Variants in ADGRL2 observed in about 807,000 individuals in gnomAD.
The protein encoded by ADGRL2 is adhesion G protein-coupled receptor L2, also known as calcium-independent alpha-latrotoxin receptor 2.
In ADGRL2, 44 loss-of-function variants were observed where a neutral mutation model predicts 157.4. The ratio of observed to expected loss-of-function variants is 0.28; its 90% CI spans 0.22 to 0.36. The LOEUF (loss-of-function observed/expected upper bound fraction) is 0.36, where lower values mean the gene tolerates loss of function less well. Ranked by LOEUF, ADGRL2 falls within the 10% of genes least tolerant of loss-of-function variation. The pLI is 1.00. For missense variants in ADGRL2, 1,510 were observed against 1,768.9 expected (o/e 0.85, Z 2.63); for synonymous variants, 585 against 624.7 (o/e 0.94, Z 0.95).
At chr1:81,320,092 A>G (rs1032295646) in intron 1 of ADGRL2, among the ~76,000 whole-genome samples, 3 of 152,200 alleles carry the variant, frequency 2.0e-5, no homozygotes, top group Non-Finnish European at 4.4e-5. Flanking sequence ...CATTTCAACA[A>G]TGTCCACAGC....
chr1:81,981,539 G>A (rs898943927), intron 18 of ADGRL2, among the ~76,000 whole-genome samples: 2 of 151,882 alleles, frequency 1.3e-5, no homozygotes, highest in Non-Finnish European at 2.9e-5. Flanking sequence ...TAGGGGATAT[G>A]TTACACGTTG....
chr1:81,537,715 T>G (rs1334482212), intron 2 of ADGRL2, among the ~76,000 whole-genome samples: 2 of 152,000 alleles, frequency 1.3e-5, no homozygotes, highest in African/African-American at 4.8e-5. Context: ...TCTTTTTTTT[T>G]TTAGATGGAG....
chr1:81,988,985 A>AT (rs3838452), intron 23 of ADGRL2, among the ~76,000 whole-genome samples: 44 of 149,034 alleles, frequency 3.0e-4, no homozygotes, highest in South Asian at 8.5e-4. Flanking sequence ...GTAGACTGTG[A>AT]TTTTTTTTTT....
At chr1:81,782,516 C>G (rs1301131368) in intron 2 of ADGRL2, among the ~76,000 whole-genome samples, 2 of 152,046 alleles carry the variant, frequency 1.3e-5, no homozygotes, top group Admixed American at 1.3e-4. Flanking sequence ...TTAGTTACAC[C>G]CAGTGAGCCT....
chr1:81,882,730 G>A (rs542068247), intron 2 of ADGRL2, among the ~76,000 whole-genome samples: 1 of 152,260 alleles, frequency 6.6e-6, no homozygotes, highest in Admixed American at 6.5e-5. Flanking sequence ...TTGGGAAATA[G>A]CCCTCAAATA....
chr1:81,383,337 A>G (rs1232017918), intron 1 of ADGRL2, among the ~76,000 whole-genome samples: 2 of 152,148 alleles, frequency 1.3e-5, no homozygotes, highest in African/African-American at 4.8e-5. Flanking sequence ...ACTCACATTG[A>G]TAGATTGAAC....
At chr1:81,367,953 G>A (rs1213060860) in intron 1 of ADGRL2, among the ~76,000 whole-genome samples, 4 of 152,170 alleles carry the variant, frequency 2.6e-5, no homozygotes, top group African/African-American at 7.2e-5. Flanking sequence ...TTTGTTCCAT[G>A]ACTTCGCTAT....
chr1:81,511,551 T>C (rs1236357832), intron 2 of ADGRL2, among the ~76,000 whole-genome samples: 1 of 152,164 alleles, frequency 6.6e-6, no homozygotes, highest in African/African-American at 2.4e-5. Flanking sequence ...TTAATAATTA[T>C]AGGTAACTTG....
In ADGRL2 at chr1:81,966,153, G is replaced by A. The variant is rs759899407; in HGVS notation, c.2113G>A (p.Ala705Thr). 28 of 1,613,852 alleles carry A rather than the reference G, an allele frequency of 1.7e-5. 2 individuals carry two copies. Among genetic ancestry groups the A allele is most frequent in the South Asian group, 1.5e-4 (14 of 91,078 alleles). Residue 705 changes from alanine to threonine, a missense_variant, in exon 12 of 24, where the codon GCA becomes ACA. Ala to Thr is a moderately conservative substitution (Grantham distance 58, BLOSUM62 0). Around this residue, in one of 4 missense-constraint regions of ADGRL2, gnomAD observed 497 missense variants for 627.2 expected, o/e 0.79. Transcript: ENST00000686636. ...AGCAGGCAGCTCAATCCAACTGTCC[G>A]CAAATACCGTCAAACAGAACAGCAG... Reference protein sequence around the residue: ...KGAGSSIQLSANTVKQNSRNG... With the variant: ...KGAGSSIQLSTNTVKQNSRNG...
At chr1:81,604,149 G>A (rs2081387008) in intron 3 of ADGRL2, among the ~76,000 whole-genome samples, 1 of 152,026 alleles carries the variant, frequency 6.6e-6, no homozygotes, top group African/African-American at 2.4e-5. Flanking sequence ...AATTTTGGTA[G>A]AGACGAGGTT....
At chr1:81,681,231 G>A (rs2148954251) in intron 3 of ADGRL2, among the ~76,000 whole-genome samples, 1 of 152,356 alleles carries the variant, frequency 6.6e-6, no homozygotes, top group African/African-American at 2.4e-5. Flanking sequence ...AAGAAAGCTT[G>A]AGAACCTGCA....
intron 3 of ADGRL2, among the ~76,000 whole-genome samples, chr1:81,679,869 A>T (rs1360136134): frequency 6.6e-6 from 1 of 152,170 alleles, no homozygotes; most frequent in East Asian, 1.9e-4. Context: ...GACCAAAAAA[A>T]ATCACAGTGG....
chr1:81,546,526 C>A lies in ADGRL2; in HGVS notation c.-247-34350C>A, dbSNP rs77501248. On this transcript the variant is annotated intron_variant, in intron 2 of 24. Coordinates refer to the ADGRL2 transcript ENST00000370721. ...AATGATAAATTAGGAACATCACAGA[C>A]GTGTTCACACCATGCCCAGATGTGC... 6.6e-5 allele frequency among the ~76,000 whole-genome samples: 10 copies of A among 152,290 alleles called. No homozygotes were observed. In the East Asian group the frequency reaches 1.2e-3, roughly 18 times the overall value.
At chr1:81,979,086 A>G (rs1660955295) in intron 17 of ADGRL2, among the ~76,000 whole-genome samples, 1 of 151,600 alleles carries the variant, frequency 6.6e-6, no homozygotes, top group South Asian at 2.1e-4. Context: ...TTTGTCTCTC[A>G]GTCAAAACAC....
intron 3 of ADGRL2, among the ~76,000 whole-genome samples, chr1:81,654,330 C>T (rs1353511162): frequency 6.6e-6 from 1 of 152,152 alleles, no homozygotes; most frequent in South Asian, 2.1e-4. Context: ...CTTGAGTCAT[C>T]TTTTGTTTGT....
intron 1 of ADGRL2, among the ~76,000 whole-genome samples, chr1:81,802,366 C>T (rs1034511890): frequency 1.3e-5 from 2 of 152,022 alleles, no homozygotes; most frequent in African/African-American, 2.4e-5. Flanking sequence ...TGCTGTTCGG[C>T]TGGCCCAGGG....
At chr1:81,928,709 T>C (rs1265291967) in intron 3 of ADGRL2, among the ~76,000 whole-genome samples, 2 of 152,160 alleles carry the variant, frequency 1.3e-5, no homozygotes, top group Non-Finnish European at 1.5e-5. Context: ...TCTGTAGATA[T>C]TCTGTTTGTT....
At chr1:81,841,927 T>C (rs1259787530) in intron 2 of ADGRL2, among the ~76,000 whole-genome samples, 1 of 152,080 alleles carries the variant, frequency 6.6e-6, no homozygotes, top group East Asian at 1.9e-4. Flanking sequence ...CACAGAGGCA[T>C]TGGGATGAGC....
At chr1:81,444,415 A>G (rs1570984268) in intron 1 of ADGRL2, among the ~76,000 whole-genome samples, 1 of 152,196 alleles carries the variant, frequency 6.6e-6, no homozygotes, top group East Asian at 1.9e-4. Context: ...ATGTTTCTTC[A>G]GTTTGAGTTG....
Sources: allele counts gnomAD v4.1 joint callset (sites outside exome capture counted in the v4.1 genomes callset), GRCh38; gene constraint gnomAD v4.1.1; regional missense constraint gnomAD v4.1.1; transcripts MANE v1.5; gene names NCBI Gene and HGNC (gene_info 2026-07-23, HGNC 2026-07-21).